TRAF7: variants seen among roughly 807,000 people sequenced by gnomAD.
TRAF7 encodes the protein E3 ubiquitin-protein ligase TRAF7.
In TRAF7, 45 loss-of-function variants were observed where a neutral mutation model predicts 89.3. The ratio of observed to expected loss-of-function variants is 0.50; its 90% CI spans 0.40 to 0.65. The LOEUF (loss-of-function observed/expected upper bound fraction) is 0.65, where lower values mean the gene tolerates loss of function less well. Ranked by LOEUF, TRAF7 falls within the 30% of genes least tolerant of loss-of-function variation. The pLI, the probability that TRAF7 is intolerant of heterozygous loss-of-function variation, is 0.00. For missense variants in TRAF7, 677 were observed against 918.1 expected (o/e 0.74, Z 3.39); for synonymous variants, 406 against 369.2 (o/e 1.10, Z -1.14).
At position 2,158,609 on chromosome 16, in the gene TRAF7, C is replaced by G. The variant is rs977552400; in HGVS notation, c.-39+2751C>G. On this transcript the variant is annotated intron_variant, in intron 1 of 20. Transcript: ENST00000326181. The surrounding 1 kb of genome is among the most constrained non-coding windows in gnomAD (Gnocchi z 4.7). The stretch of plus-strand genomic sequence containing the variant: ...GGGTGACTGAGGGGGTCAGTGGTCT[C>G]TGCCCTCACATTCCTGTTGCCTCTT... 2.0e-5 allele frequency among the ~76,000 whole-genome samples: 3 copies of G among 152,224 alleles called. No homozygotes were observed. The highest frequency in any genetic ancestry group is 2.9e-5 in the Non-Finnish European group (2 of 68,038).
At chr16:2,170,442 A>G (rs1243514537) in intron 4 of TRAF7, among the ~76,000 whole-genome samples, 172 bp from the exon 5 acceptor site, 6 of 152,214 alleles carry the variant, frequency 3.9e-5, no homozygotes, top group Non-Finnish European at 5.9e-5. Flanking sequence ...CCTGGGTTGC[A>G]TCAGCTCCCC....
In TRAF7 at chr16:2,176,628, G is replaced by A; in HGVS notation, c.*54G>A. ...CTGAACCAGCCCTGGACCTTTCTGA[G>A]CCAGGCTGGCCACATGGGGTGGTCT... is the stretch of plus-strand genomic sequence containing the variant. On this transcript the variant is annotated 3_prime_UTR_variant, in exon 21 of 21. Coordinates refer to ENST00000326181, the MANE Select transcript of TRAF7 (RefSeq NM_032271.3). The A allele has an allele frequency of 1.2e-6, 2 of 1,612,784 alleles. No homozygotes were observed. Among genetic ancestry groups the A allele is most frequent in the South Asian group, 1.1e-5 (1 of 91,058 alleles).
At position 2,161,332 on chromosome 16, in the gene TRAF7, C is replaced by T. The variant is rs1232320884; in HGVS notation, c.-38-2551C>T. On this transcript the variant is annotated intron_variant, in intron 1 of 20. Transcript: ENST00000326181. The surrounding 1 kb of genome is among the most constrained non-coding windows in gnomAD (Gnocchi z 5.2). ...ATCCTGTGGTGTTGTCCCCGTGGCCCGGCTGCTGTTGGCCAGCTGGGACTT... is the reference window on the plus strand; with the variant it reads ...ATCCTGTGGTGTTGTCCCCGTGGCCTGGCTGCTGTTGGCCAGCTGGGACTT... 6.6e-6 allele frequency among the ~76,000 whole-genome samples: 1 copy of T among 151,978 alleles called. No individual in the cohort carries two copies. Among genetic ancestry groups the T allele is most frequent in the African/African-American group, 2.4e-5 (1 of 41,374 alleles).
chr16:2,164,159 T>TGTGTGCGC (rs879079517), intron 2 of TRAF7, among the ~76,000 whole-genome samples, 158 bp downstream of exon 2: 2 of 126,078 alleles, frequency 1.6e-5, no homozygotes, highest in Admixed American at 7.6e-5. Context: ...TGTGTGTGTG[T>TGTGTGCGC]GCGCGCGCGC....
chr16:2,165,981 G>A (rs1241068391), intron 3 of TRAF7, 45 bp downstream of exon 3: 2 of 1,610,242 alleles, frequency 1.2e-6, no homozygotes, highest in East Asian at 2.2e-5. Flanking sequence ...AATAACCGGG[G>A]CACCCCCATG....
chr16:2,165,718 A>T (rs1229681107), intron 2 of TRAF7, 161 bp from the exon 3 acceptor site: 3 of 743,094 alleles, frequency 4.0e-6, no homozygotes, highest in Non-Finnish European at 6.6e-6. Flanking sequence ...TCGCATGATT[A>T]AGCGTGTGAG....
rs769522985 is a variant in TRAF7, at chr16:2,173,779, GC to G, written c.1087-6del. 6.2e-7 allele frequency: 1 copy of G among 1,610,368 alleles called. No homozygotes were observed. The highest frequency in any genetic ancestry group is 8.5e-7 in the Non-Finnish European group (1 of 1,179,750). Reference sequence around the variant, plus strand: ...CCACCTGCCCTCTGCCCTGCCCTTGGCCCTGCAGGACGAGCTGTCCCACATC... The same window carrying G: ...CCACCTGCCCTCTGCCCTGCCCTTGGCCTGCAGGACGAGCTGTCCCACATC... On this transcript the variant is annotated splice_region_variant and splice_polypyrimidine_tract_variant and intron_variant, in intron 11 of 20. Transcript: ENST00000326181.
chr16:2,176,269 G>A lies in TRAF7; in HGVS notation c.1883G>A (p.Trp628Ter). 2 of 1,601,938 alleles carry A rather than the reference G, an allele frequency of 1.2e-6. No individual in the cohort carries two copies. Among genetic ancestry groups the A allele is most frequent in the Non-Finnish European group, 1.7e-6 (2 of 1,179,536 alleles). The change falls in exon 20 of 21, where the codon TGG becomes TAG. Residue 628 changes from tryptophan (W) to a stop codon, truncating the protein, a stop_gained. Transcript: ENST00000326181. LOFTEE classifies it high-confidence loss of function. Reference protein sequence around the residue: ...SASYDRSLRVWSMDNMICTQT... With the variant: ...SASYDRSLRV ...TCACGTCCCATGTGCCCCCAGGTCT[G>A]GAGTATGGACAACATGATCTGCACG...
Position 2,174,281 on chromosome 16 carries a change from C to CTT in TRAF7, c.1294_1295insTT (p.Gln432LeufsTer42). Reference sequence around the variant, plus strand: ...GGACACATGTACCACCTACAAGTGTCAGAAGACACTGGAGGGCCATGATGG... The same window carrying CTT: ...GGACACATGTACCACCTACAAGTGTCTTAGAAGACACTGGAGGGCCATGATGG... On this transcript the variant is annotated frameshift_variant, in exon 14 of 21. Coordinates refer to ENST00000326181, the MANE Select transcript of TRAF7 (RefSeq NM_032271.3). LOFTEE classifies it high-confidence loss of function. The CTT allele has an allele frequency of 6.2e-7, 1 of 1,613,190 alleles. No homozygotes were observed. The highest frequency in any genetic ancestry group is 8.5e-7 in the Non-Finnish European group (1 of 1,179,964).
Position 2,173,176 on chromosome 16 carries a change from C to A in TRAF7, c.795-6C>A. ...CGCCAGGCAGGCAGCTGTCCTGTCC[C>A]CGCAGGTGCACGTTCATCGGGAACC... On this transcript the variant is annotated splice_region_variant and splice_polypyrimidine_tract_variant and intron_variant, in intron 9 of 20. Coordinates refer to ENST00000326181, the MANE Select transcript of TRAF7 (RefSeq NM_032271.3). 6.2e-7 allele frequency: 1 copy of A among 1,602,884 alleles called. No homozygotes were observed. The highest frequency in any genetic ancestry group is 2.3e-5 in the East Asian group (1 of 44,242).
chr16:2,176,025 C>A, intron 18 of TRAF7, 24 bp from the exon 19 acceptor site: 2 of 1,608,296 alleles, frequency 1.2e-6, no homozygotes, highest in South Asian at 2.2e-5. Flanking sequence ...GTGTCTTTGA[C>A]CTGCCTGTGC....
chr16:2,174,187 G>T (rs2093125765), intron 13 of TRAF7, 64 bp from the exon 14 acceptor site: 1 of 1,598,116 alleles, frequency 6.3e-7, no homozygotes, highest in Non-Finnish European at 8.5e-7. Context: ...ACTCATTCCT[G>T]TCATGCTGCC....
intron 1 of TRAF7, among the ~76,000 whole-genome samples, chr16:2,157,853 T>G (rs1004359509): frequency 1.7e-4 from 26 of 152,288 alleles, no homozygotes; most frequent in African/African-American, 5.5e-4. Flanking sequence ...CTGCTGGCTG[T>G]GTCCCTGGGC....
At chr16:2,165,557 C>T (rs1453216610) in intron 2 of TRAF7, among the ~76,000 whole-genome samples, 3 of 124,930 alleles carry the variant, frequency 2.4e-5, no homozygotes, top group African/African-American at 3.2e-5. Context: ...CATGGTTTAG[C>T]GTGTTAGTGC....
At chr16:2,165,366 G>A (rs1255397445) in intron 2 of TRAF7, among the ~76,000 whole-genome samples, 10 of 138,894 alleles carry the variant, frequency 7.2e-5, no homozygotes, top group Non-Finnish European at 1.4e-4. Flanking sequence ...TGAGTGCTGC[G>A]TGGCGCGGCC....
At chr16:2,176,537 G>C (rs748253708) in intron 20 of TRAF7, 23 bp from the exon 21 acceptor site, 4 of 1,613,202 alleles carry the variant, frequency 2.5e-6, no homozygotes, top group Admixed American at 3.3e-5. Context: ...GGACATCCTG[G>C]TGAAGCAGCC....
chr16:2,164,614 CGT>C (rs1567247852), intron 2 of TRAF7, among the ~76,000 whole-genome samples: 1 of 136,244 alleles, frequency 7.3e-6, no homozygotes, highest in East Asian at 2.3e-4. Context: ...CATGGTTAAG[CGT>C]GTTAGTGCTG....
At chr16:2,171,240 C>G in intron 5 of TRAF7, 24 bp from the exon 6 acceptor site, 2 of 1,534,482 alleles carry the variant, frequency 1.3e-6, no homozygotes, top group Non-Finnish European at 1.8e-6. Flanking sequence ...CCCGCCATCG[C>G]CTGCCTTTCC....
chr16:2,170,385 G>C (rs2093103653), intron 4 of TRAF7, among the ~76,000 whole-genome samples: 1 of 152,228 alleles, frequency 6.6e-6, no homozygotes, highest in Admixed American at 6.5e-5. Context: ...GGCGTGAGCG[G>C]GCAGCCCAGC....
Sources: gnomAD v4.1 joint callset for allele counts (sites outside exome capture counted in the v4.1 genomes callset) on GRCh38, gnomAD v4.1.1 for gene constraint, Gnocchi (gnomAD v3.1) non-coding constraint, MANE v1.5 for transcripts, NCBI Gene and HGNC (gene_info 2026-07-23, HGNC 2026-07-21) for gene names.